The following RALGPS1 variants were observed in gnomAD, a reference collection of about 807,000 sequenced individuals.
RALGPS1 encodes the protein Ral GEF with PH domain and SH3 binding motif 1.
Under a neutral mutation model 78.8 loss-of-function variants are expected in RALGPS1, and 19 were observed. That is an observed-to-expected ratio of 0.24 (90% confidence interval 0.17 to 0.35). The LOEUF (loss-of-function observed/expected upper bound fraction) is 0.35, where lower values mean the gene tolerates loss of function less well. RALGPS1 is among the 10% of genes least tolerant of loss of function. The probability of loss-of-function intolerance (pLI) is 1.00; values close to 1 mark genes in which losing one functional copy is unlikely to be tolerated. For missense variants in RALGPS1, 454 were observed against 688.3 expected, an observed-to-expected ratio of 0.66 and a Z score of 3.81; for synonymous variants, 228 against 256.3, an observed-to-expected ratio of 0.89 and a Z score of 1.06.
intron 3 of RALGPS1, among the ~76,000 whole-genome samples, chr9:126,975,110 T>G (rs1226425150): frequency 6.6e-6 from 1 of 152,202 alleles, no homozygotes; most frequent in African/African-American, 2.4e-5. Context: ...AAGTATCTTG[T>G]ATCAAAATAT....
At chr9:127,005,727 G>T (rs1266803388) in intron 4 of RALGPS1, among the ~76,000 whole-genome samples, 2 of 152,190 alleles carry the variant, frequency 1.3e-5, no homozygotes, top group East Asian at 3.8e-4. Flanking sequence ...ACAAAACAGA[G>T]AAAGAGGAAT....
chr9:127,042,426 T>C (rs1435309096), intron 5 of RALGPS1, among the ~76,000 whole-genome samples: 2 of 152,104 alleles, frequency 1.3e-5, no homozygotes, highest in African/African-American at 2.4e-5. Context: ...TATTATTATA[T>C]CATTTGACCT....
At chr9:127,077,063 A>C (rs895168288) in intron 8 of RALGPS1, among the ~76,000 whole-genome samples, 1 of 152,190 alleles carries the variant, frequency 6.6e-6, no homozygotes, top group African/African-American at 2.4e-5. Context: ...GGGCCTAGAC[A>C]TGGGAGTCAG....
intron 8 of RALGPS1, chr9:127,087,498 T>G (rs2051901141): frequency 6.6e-6 from 1 of 152,620 alleles, no homozygotes; most frequent in Admixed American, 6.5e-5. Flanking sequence ...CACCCAGACA[T>G]GGACAGTACC....
intron 8 of RALGPS1, among the ~76,000 whole-genome samples, chr9:127,109,083 T>C (rs2054548048): frequency 6.6e-6 from 1 of 152,162 alleles, no homozygotes; most frequent in Non-Finnish European, 1.5e-5. Context: ...GCTGAACTCC[T>C]GGCCTAGAGC....
chr9:127,011,890 G>A (rs1035639928), intron 4 of RALGPS1, among the ~76,000 whole-genome samples: 19 of 152,206 alleles, frequency 1.2e-4, no homozygotes, highest in African/African-American at 4.3e-4. Flanking sequence ...CTCATTGGCA[G>A]GTCAGCATGG....
chr9:127,094,979 C>T (rs969338981), intron 8 of RALGPS1, among the ~76,000 whole-genome samples: 2 of 152,208 alleles, frequency 1.3e-5, no homozygotes, highest in African/African-American at 2.4e-5. Flanking sequence ...CTTGAGTCAC[C>T]AAGGGTCTGG....
chr9:127,210,739 C>T, intron 14 of RALGPS1: 1 of 1,550,670 alleles, frequency 6.4e-7, no homozygotes, highest in Non-Finnish European at 8.7e-7. Flanking sequence ...TGGCGGGTTC[C>T]AGTTAGGAAT....
At chr9:126,941,170 G>A (rs563662862) in intron 1 of RALGPS1, among the ~76,000 whole-genome samples, 263 of 152,050 alleles carry the variant, frequency 1.7e-3, no homozygotes, top group African/African-American at 5.2e-3. Flanking sequence ...TAGTTGTGGG[G>A]GGGGGTTGTT....
At position 127,218,697 on chromosome 9, in the gene RALGPS1, C is replaced by T; in HGVS notation, c.1645-43C>T. 1 of 1,603,264 alleles carries T rather than the reference C, an allele frequency of 6.2e-7. No homozygotes were observed. Among genetic ancestry groups the T allele is most frequent in the Non-Finnish European group, 8.5e-7 (1 of 1,170,066 alleles). On this transcript the variant is annotated intron_variant, in intron 18 of 18. Transcript: ENST00000259351. The surrounding 1 kb of genome is among the most constrained non-coding windows in gnomAD (Gnocchi z 4.4). ...AGGGACCACCACCCCTTGTCCTTCT[C>T]TGAGGTCGGAACTTTAACAAGAGGC...
chr9:126,980,690 C>T (rs1399459896), intron 4 of RALGPS1, among the ~76,000 whole-genome samples: 4 of 152,146 alleles, frequency 2.6e-5, no homozygotes, highest in Non-Finnish European at 5.9e-5. Flanking sequence ...TAAGATTACC[C>T]TTAATTCAGC....
chr9:127,150,855 G>A (rs1052212327), intron 8 of RALGPS1, among the ~76,000 whole-genome samples: 7 of 152,160 alleles, frequency 4.6e-5, no homozygotes, highest in Non-Finnish European at 1.0e-4. Flanking sequence ...GACCACTGAT[G>A]AGGGAGTGTG....
chr9:127,184,209 C>T, intron 11 of RALGPS1: 2 of 667,934 alleles, frequency 3.0e-6, no homozygotes, highest in Non-Finnish European at 5.0e-6. Flanking sequence ...CCTACAGCCC[C>T]AGCTCCTCAG....
intron 9 of RALGPS1, among the ~76,000 whole-genome samples, chr9:127,168,380 A>T (rs940222756): frequency 1.3e-5 from 2 of 152,152 alleles, no homozygotes; most frequent in Non-Finnish European, 2.9e-5. Flanking sequence ...CCAGTCCCTG[A>T]TATCTGAGTG....
intron 8 of RALGPS1, among the ~76,000 whole-genome samples, chr9:127,126,046 T>C (rs1297382255): frequency 6.6e-6 from 1 of 152,094 alleles, no homozygotes; most frequent in African/African-American, 2.4e-5. Flanking sequence ...AGGGGTGTAC[T>C]TGGGAGGGGG....
intron 7 of RALGPS1, among the ~76,000 whole-genome samples, chr9:127,056,272 T>C (rs942521379): frequency 3.3e-5 from 5 of 152,160 alleles, no homozygotes; most frequent in Non-Finnish European, 5.9e-5. Context: ...CAGGGCTCTT[T>C]CCCTGGTTAC....
chr9:126,942,971 A>G (rs2036924777), intron 1 of RALGPS1, among the ~76,000 whole-genome samples: 1 of 151,860 alleles, frequency 6.6e-6, no homozygotes, highest in African/African-American at 2.4e-5. Context: ...TACGCTTTCT[A>G]GCTGGCTATT....
intron 3 of RALGPS1, among the ~76,000 whole-genome samples, chr9:126,972,056 A>T (rs546421216): frequency 6.6e-6 from 1 of 152,316 alleles, no homozygotes; most frequent in South Asian, 2.1e-4. Context: ...TGGCTTCCGG[A>T]GAACTGGTTG....
intron 1 of RALGPS1, among the ~76,000 whole-genome samples, chr9:126,917,449 T>C (rs1458900985): frequency 6.6e-6 from 1 of 152,232 alleles, no homozygotes; most frequent in African/African-American, 2.4e-5. Context: ...ATGGCCCACC[T>C]CTTGAAATGG....
Sources: gnomAD v4.1 joint callset for allele counts (sites outside exome capture counted in the v4.1 genomes callset) on GRCh38, gnomAD v4.1.1 for gene constraint, Gnocchi (gnomAD v3.1) non-coding constraint, MANE v1.5 for transcripts, NCBI Gene and HGNC (gene_info 2026-07-23, HGNC 2026-07-21) for gene names.